ZNF562: variants seen among roughly 807,000 people sequenced by gnomAD.
The protein encoded by ZNF562 is zinc finger protein 562.
A neutral mutation model predicts 17.5 loss-of-function variants in ZNF562; 13 were observed. The observed-to-expected ratio is 0.74, with a 90% CI of 0.48 to 1.18. The LOEUF (loss-of-function observed/expected upper bound fraction) is 1.18. Among genes scored for constraint, ZNF562 ranks in the 50% most tolerant of loss-of-function variants. The pLI is 0.00. For missense variants in ZNF562, 481 were observed against 498.5 expected, an observed-to-expected ratio of 0.96 and a Z score of 0.33; for synonymous variants, 163 against 165.4, an observed-to-expected ratio of 0.99 and a Z score of 0.11.
In ZNF562 at chr19:9,648,157, A is replaced by G. The variant is rs942297570; in HGVS notation, c.*4792T>C. ...AAGGGACAATTTTTTAAAAATCACAATGTTATTCAAACATAGCTCCATAAC... is the reference window on the plus strand; with the variant it reads ...AAGGGACAATTTTTTAAAAATCACAGTGTTATTCAAACATAGCTCCATAAC... On this transcript the variant is annotated 3_prime_UTR_variant, in exon 6 of 6. Coordinates refer to ENST00000453372, the MANE Select transcript of ZNF562 (RefSeq NM_001130031.2). 6.6e-6 allele frequency: 1 copy of G among 152,174 alleles called. No individual in the cohort carries two copies. The highest frequency in any genetic ancestry group is 1.5e-5 in the Non-Finnish European group (1 of 68,024). 9.4% of individuals were successfully genotyped at this position (152,174 alleles called of 1,614,324 possible). A position where few individuals can be genotyped will look rare whatever the true frequency, so the allele number is the denominator to read the frequency against.
Position 9,650,954 on chromosome 19 carries a change from C to CAAAAAAAAAAAAAAAAAAAAAAAAAA in ZNF562, c.*1969_*1994dup, listed in dbSNP as rs74178208. On this transcript the variant is annotated 3_prime_UTR_variant, in exon 6 of 6. Coordinates refer to ENST00000453372, the MANE Select transcript of ZNF562 (RefSeq NM_001130031.2). ...GGGCAACAAGAGCAAAACTCCATCT[C>CAAAAAAAAAAAAAAAAAAAAAAAAAA]AAAAAAAAAAAAAAAAAAAAAAAAA... The CAAAAAAAAAAAAAAAAAAAAAAAAAA allele has an allele frequency of 6.5e-5, 3 of 46,312 alleles. No individual in the cohort carries two copies. Among genetic ancestry groups the CAAAAAAAAAAAAAAAAAAAAAAAAAA allele is most frequent in the African/African-American group, 1.2e-4 (2 of 16,046 alleles). The allele number at this position is 46,312 out of a possible 1,614,324, so 2.9% of individuals were successfully genotyped here.
chr19:9,670,304 A>G (rs1182629877), intron 1 of ZNF562, among the ~76,000 whole-genome samples: 4 of 152,190 alleles, frequency 2.6e-5, no homozygotes, highest in Non-Finnish European at 4.4e-5. Context: ...TAGAACTACC[A>G]TATGATCTGG....
chr19:9,671,000 A>T (rs1297079244), intron 1 of ZNF562, among the ~76,000 whole-genome samples: 1 of 111,198 alleles, frequency 9.0e-6, no homozygotes, highest in East Asian at 2.3e-4. Flanking sequence ...TCCATCTCCC[A>T]AAAAAAAAAA....
intron 1 of ZNF562, among the ~76,000 whole-genome samples, chr19:9,672,450 G>T (rs2044230692): frequency 6.6e-6 from 1 of 151,986 alleles, no homozygotes; most frequent in South Asian, 2.1e-4. Flanking sequence ...TGAGGAGAAA[G>T]AAATAAAATG....
chr19:9,658,205 A>G, intron 3 of ZNF562, 70 bp from the exon 4 acceptor site: 1 of 1,540,444 alleles, frequency 6.5e-7, no homozygotes, highest in Admixed American at 2.0e-5. Flanking sequence ...AGAATGAGGA[A>G]AGGGGAACCT....
intron 3 of ZNF562, among the ~76,000 whole-genome samples, chr19:9,659,062 GAATT>G (rs967827462): frequency 8.5e-5 from 13 of 152,218 alleles, no homozygotes; most frequent in African/African-American, 3.1e-4. Context: ...GCTGATGAGT[GAATT>G]AATTATTTGA....
intron 1 of ZNF562, among the ~76,000 whole-genome samples, chr19:9,672,981 G>C (rs921378636): frequency 1.3e-5 from 2 of 151,670 alleles, no homozygotes; most frequent in Non-Finnish European, 2.9e-5. Flanking sequence ...CTTGTTCTTT[G>C]TTCTCAAACT....
chr19:9,659,894 C>G (rs2043658705), intron 2 of ZNF562, among the ~76,000 whole-genome samples: 1 of 119,554 alleles, frequency 8.4e-6, no homozygotes, highest in East Asian at 2.7e-4. Context: ...GCATTCAAGA[C>G]CAGCCTGGCC....
At chr19:9,665,532 G>A (rs1428995155) in intron 1 of ZNF562, among the ~76,000 whole-genome samples, 3 of 152,144 alleles carry the variant, frequency 2.0e-5, no homozygotes, top group African/African-American at 2.4e-5. Context: ...GGGGAGGCAG[G>A]ACTACCATCC....
chr19:9,659,335 G>C, intron 3 of ZNF562, 44 bp downstream of exon 3: 1 of 1,489,604 alleles, frequency 6.7e-7, no homozygotes, highest in Non-Finnish European at 9.2e-7. Flanking sequence ...CTACCTATTG[G>C]ATGTAAGTAT....
intron 5 of ZNF562, 146 bp from the exon 6 acceptor site, chr19:9,654,027 ATC>A (rs1406862947): frequency 3.0e-6 from 3 of 984,592 alleles, no homozygotes; most frequent in Non-Finnish European, 4.1e-6. Flanking sequence ...GTCTTGTTCT[ATC>A]TCCCAGTCTA....
chr19:9,647,108 A>C lies in ZNF562; in HGVS notation c.*5841T>G, dbSNP rs1324437934. 1 of 124,440 alleles carries C rather than the reference A, an allele frequency of 8.0e-6. No homozygotes were observed. 7.7% of individuals were successfully genotyped at this position (124,440 alleles called of 1,614,324 possible). On this transcript the variant is annotated 3_prime_UTR_variant, in exon 6 of 6. Coordinates refer to ENST00000453372, the MANE Select transcript of ZNF562 (RefSeq NM_001130031.2). The stretch of plus-strand genomic sequence containing the variant: ...GTCTTTTTTTTTTTTTTTGAGACGG[A>C]TTCTCGCTCTGTCGTCAGGCTGGAG...
intron 1 of ZNF562, 95 bp from the exon 2 acceptor site, chr19:9,660,969 A>G (rs1599294317): frequency 4.6e-6 from 2 of 432,202 alleles, no homozygotes; most frequent in Non-Finnish European, 8.3e-6. Flanking sequence ...TGTGAAGGCC[A>G]CCAAAAACTG....
chr19:9,669,717 AGCGCGCGC>A (rs3074896), intron 1 of ZNF562, among the ~76,000 whole-genome samples: 1,531 of 98,938 alleles, frequency 0.015, 41 homozygotes, highest in African/African-American at 0.046. Context: ...CACGCGCGCG[AGCGCGCGC>A]GCGCGCGCGC....
intron 5 of ZNF562, among the ~76,000 whole-genome samples, chr19:9,655,669 C>G (rs556925474): frequency 1.3e-5 from 2 of 149,782 alleles, no homozygotes; most frequent in Non-Finnish European, 3.0e-5. Context: ...ATCCACACAC[C>G]TCCACATCCC....
chr19:9,645,632 C>A lies in ZNF562; in HGVS notation c.*7317G>T, dbSNP rs1364729737. 1.3e-5 allele frequency: 2 copies of A among 152,160 alleles called. No homozygotes were observed. The highest frequency in any genetic ancestry group is 4.8e-5 in the African/African-American group (2 of 41,424). 9.4% of individuals were successfully genotyped at this position (152,160 alleles called of 1,614,324 possible). A position where few individuals can be genotyped will look rare whatever the true frequency, so the allele number is the denominator to read the frequency against. On this transcript the variant is annotated 3_prime_UTR_variant, in exon 6 of 6. Coordinates refer to ENST00000453372, the MANE Select transcript of ZNF562 (RefSeq NM_001130031.2). Reference sequence around the variant, plus strand: ...AGATTGCACCTTCAGAGAGTAATCTCAAGACATCTGTAATCTACCACAGGG... The same window carrying A: ...AGATTGCACCTTCAGAGAGTAATCTAAAGACATCTGTAATCTACCACAGGG...
Position 9,665,033 on chromosome 19 carries a change from C to A in ZNF562, c.-130-4159G>T, listed in dbSNP as rs145370198. Among the ~76,000 whole-genome samples the A allele has an allele frequency of 7.5e-3, 1,134 of 151,992 alleles. 9 individuals carry two copies. The highest frequency in any genetic ancestry group is 0.01 in the Non-Finnish European group (680 of 67,962). ...GGTCAGGAGTTTGAGACCAGCCTGG[C>A]CAACATGGTGAAACCCTGTCTCTAC... On this transcript the variant is annotated intron_variant, in intron 1 of 5. Coordinates refer to ENST00000453372, the MANE Select transcript of ZNF562 (RefSeq NM_001130031.2).
At chr19:9,673,788 T>C (rs996014557) in intron 1 of ZNF562, among the ~76,000 whole-genome samples, 4 of 152,040 alleles carry the variant, frequency 2.6e-5, no homozygotes, top group Non-Finnish European at 5.9e-5. Flanking sequence ...GGTGGATCAC[T>C]TGAGGTCAGG....
chr19:9,653,852 G>C lies in ZNF562; in HGVS notation c.378C>G (p.Leu126=). ...TGAAGACCTCTCCACAATTCTCACAGAGTTTCCATCCACTGTAGCTTCTTG... is the reference window on the plus strand; with the variant it reads ...TGAAGACCTCTCCACAATTCTCACACAGTTTCCATCCACTGTAGCTTCTTG... ...MQTRSYSGWK[L]CENCGEVFSE... Residue 126 remains leucine (L), a synonymous_variant, in exon 6 of 6, where the codon CTC becomes CTG. Coordinates refer to ENST00000453372, the MANE Select transcript of ZNF562 (RefSeq NM_001130031.2). 1 of 1,595,510 alleles carries C rather than the reference G, an allele frequency of 6.3e-7. No individual in the cohort carries two copies. The highest frequency in any genetic ancestry group is 8.5e-7 in the Non-Finnish European group (1 of 1,171,172).
Sources: allele counts gnomAD v4.1 joint callset (sites outside exome capture counted in the v4.1 genomes callset), GRCh38; gene constraint gnomAD v4.1.1; transcripts MANE v1.5; gene names NCBI Gene and HGNC (gene_info 2026-07-23, HGNC 2026-07-21).